The following PRIMA1 variants were observed in gnomAD, a reference collection of about 807,000 sequenced individuals.
The protein encoded by PRIMA1 is proline rich membrane anchor 1.
Under a neutral mutation model 17.5 loss-of-function variants are expected in PRIMA1, and 7 were observed. That is an observed-to-expected ratio of 0.40 (90% CI 0.23 to 0.75). The LOEUF (loss-of-function observed/expected upper bound fraction) is 0.75. Ranked by LOEUF, PRIMA1 falls within the 30% of genes least tolerant of loss-of-function variation. The pLI is 0.37. For synonymous variants in PRIMA1, 97 were observed against 77.9 expected (o/e 1.25, Z -1.29); for missense variants, 200 against 201.8 (o/e 0.99, Z 0.05).
chr14:93,744,916 T>G (rs1029112274), intron 3 of PRIMA1, among the ~76,000 whole-genome samples: 1 of 152,102 alleles, frequency 6.6e-6, no homozygotes, highest in East Asian at 1.9e-4. Context: ...GGCCTGCCTT[T>G]TCCAAAACTA....
chr14:93,787,289 T>G (rs1474808568), intron 2 of PRIMA1, among the ~76,000 whole-genome samples: 1 of 152,204 alleles, frequency 6.6e-6, no homozygotes, highest in African/African-American at 2.4e-5. Context: ...GAGAAAGAAA[T>G]AATATATATC....
At chr14:93,767,353 A>G (rs1178528435) in intron 3 of PRIMA1, among the ~76,000 whole-genome samples, 1 of 152,348 alleles carries the variant, frequency 6.6e-6, no homozygotes, top group South Asian at 2.1e-4. Context: ...TCCCAAGGTC[A>G]CAAGATTCTA....
At chr14:93,741,946 A>C (rs2076186815) in intron 3 of PRIMA1, among the ~76,000 whole-genome samples, 1 of 151,848 alleles carries the variant, frequency 6.6e-6, no homozygotes, top group African/African-American at 2.4e-5. Flanking sequence ...TTCATTTAAC[A>C]CTCCTGACGC....
chr14:93,758,607 A>AAAAG (rs2076306990), intron 3 of PRIMA1, among the ~76,000 whole-genome samples: 1 of 150,358 alleles, frequency 6.7e-6, no homozygotes, highest in African/African-American at 2.5e-5. Flanking sequence ...AAAAAAAAAA[A>AAAAG]AAAAAGAAAA....
At chr14:93,748,084 G>A (rs1595204085) in intron 3 of PRIMA1, among the ~76,000 whole-genome samples, 3 of 151,774 alleles carry the variant, frequency 2.0e-5, no homozygotes, top group Admixed American at 2.0e-4. Context: ...ATGTGTGTGA[G>A]TGCGTATGAG....
intron 2 of PRIMA1, among the ~76,000 whole-genome samples, chr14:93,784,046 T>C (rs1182380732): frequency 1.3e-5 from 2 of 152,168 alleles, no homozygotes; most frequent in Non-Finnish European, 2.9e-5. Context: ...CAGGCCACCA[T>C]CAGGTCTCCA....
chr14:93,771,986 C>G (rs879499189), intron 3 of PRIMA1, among the ~76,000 whole-genome samples: 6 of 152,220 alleles, frequency 3.9e-5, no homozygotes, highest in Non-Finnish European at 8.8e-5. Context: ...GTAACTCACC[C>G]TCTCTGAACC....
intron 3 of PRIMA1, among the ~76,000 whole-genome samples, chr14:93,747,947 GTA>G (rs1270477453): frequency 7.3e-6 from 1 of 136,138 alleles, no homozygotes; most frequent in Non-Finnish European, 1.6e-5. Flanking sequence ...GAGTGTGTGT[GTA>G]TGAGTGTGTG....
rs1355344213 is a variant in PRIMA1 at position 93,726,453 on chromosome 14, T to A, written c.360-4907A>T. Among the ~76,000 whole-genome samples, 1 of 151,708 alleles carries A rather than the reference T, an allele frequency of 6.6e-6. No homozygotes were observed. The highest frequency in any genetic ancestry group is 2.4e-5 in the African/African-American group (1 of 41,252). On this transcript the variant is annotated intron_variant, in intron 4 of 4. Coordinates refer to ENST00000393140, the MANE Select transcript of PRIMA1 (RefSeq NM_178013.4). The surrounding 1 kb of genome is among the most constrained non-coding windows in gnomAD (Gnocchi z 4.2). The stretch of plus-strand genomic sequence containing the variant: ...GACTCACCTCTTATGAAGGTATTCA[T>A]CCCCCGACTGCCCACCCCGACACCC...
intron 4 of PRIMA1, among the ~76,000 whole-genome samples, chr14:93,730,137 CACT>C (rs2141155038): frequency 6.6e-6 from 1 of 152,320 alleles, no homozygotes; most frequent in African/African-American, 2.4e-5. Context: ...CAGAAACCAC[CACT>C]GACCAGTTTC....
chr14:93,749,428 C>T (rs1294547864), intron 3 of PRIMA1, among the ~76,000 whole-genome samples: 1 of 152,232 alleles, frequency 6.6e-6, no homozygotes, highest in African/African-American at 2.4e-5. Context: ...ACCCTGTCCT[C>T]ATGACGCTTA....
At chr14:93,775,590 C>T (rs1167627056) in intron 3 of PRIMA1, among the ~76,000 whole-genome samples, 3 of 152,186 alleles carry the variant, frequency 2.0e-5, no homozygotes, top group African/African-American at 2.4e-5. Flanking sequence ...CCTCCGCCTC[C>T]GTATTTTATG....
At chr14:93,780,394 C>T (rs936686155) in intron 2 of PRIMA1, among the ~76,000 whole-genome samples, 1 of 152,190 alleles carries the variant, frequency 6.6e-6, no homozygotes, top group Non-Finnish European at 1.5e-5. Flanking sequence ...TCATAAATCA[C>T]CACTTAAGGG....
chr14:93,730,553 G>A (rs750718334), intron 4 of PRIMA1, among the ~76,000 whole-genome samples: 1 of 152,144 alleles, frequency 6.6e-6, no homozygotes, highest in African/African-American at 2.4e-5. Context: ...CAAGGCCTCA[G>A]TTCCCACATC....
At chr14:93,742,936 C>T (rs2076193496) in intron 3 of PRIMA1, among the ~76,000 whole-genome samples, 1 of 152,196 alleles carries the variant, frequency 6.6e-6, no homozygotes, top group Admixed American at 6.5e-5. Context: ...CAGCTTTCCC[C>T]GTCAGAGCCA....
At chr14:93,764,597 A>G (rs1884835302) in intron 3 of PRIMA1, among the ~76,000 whole-genome samples, 1 of 152,082 alleles carries the variant, frequency 6.6e-6, no homozygotes, top group Admixed American at 6.5e-5. Context: ...TGCTCTATAA[A>G]TATTTGTTGA....
chr14:93,773,196 C>T (rs979503692), intron 3 of PRIMA1, among the ~76,000 whole-genome samples: 1 of 152,202 alleles, frequency 6.6e-6, no homozygotes, highest in African/African-American at 2.4e-5. Flanking sequence ...AGTTTCTGCC[C>T]AGGATGGCCT....
intron 4 of PRIMA1, among the ~76,000 whole-genome samples, chr14:93,723,140 C>G (rs2076053270): frequency 6.6e-6 from 1 of 152,108 alleles, no homozygotes; most frequent in Non-Finnish European, 1.5e-5. Context: ...TGGTCTAAGC[C>G]ACATGCTCTC....
intron 3 of PRIMA1, among the ~76,000 whole-genome samples, chr14:93,750,714 G>A (rs2076254435): frequency 6.6e-6 from 1 of 152,136 alleles, no homozygotes; most frequent in African/African-American, 2.4e-5. Flanking sequence ...GAGATTCTTA[G>A]ACAAGCTTAG....
Sources: allele counts gnomAD v4.1 joint callset (sites outside exome capture counted in the v4.1 genomes callset), GRCh38; gene constraint gnomAD v4.1.1; non-coding constraint Gnocchi (gnomAD v3.1); transcripts MANE v1.5; gene names NCBI Gene and HGNC (gene_info 2026-07-23, HGNC 2026-07-21).